The following KCNIP4 variants were observed in gnomAD, a reference collection of about 807,000 sequenced individuals.
The protein encoded by KCNIP4 is Kv channel-interacting protein 4.
In KCNIP4, 12 loss-of-function variants were observed where a neutral mutation model predicts 34.0. The observed-to-expected ratio is 0.35, with a 90% CI of 0.23 to 0.57. The LOEUF is 0.57. Ranked by LOEUF, KCNIP4 falls within the 20% of genes least tolerant of loss-of-function variation. KCNIP4 has a pLI of 0.83. For missense variants in KCNIP4, 238 were observed against 311.7 expected, an observed-to-expected ratio of 0.76 and a Z score of 1.78; for synonymous variants, 124 against 102.2, an observed-to-expected ratio of 1.21 and a Z score of -1.29.
At chr4:21,127,565 A>G (rs1048451969) in intron 1 of KCNIP4, among the ~76,000 whole-genome samples, 1 of 152,206 alleles carries the variant, frequency 6.6e-6, no homozygotes, top group Non-Finnish European at 1.5e-5. Context: ...CTAATAGAAT[A>G]CAAACACTGT....
chr4:20,883,042 G>T, intron 1 of KCNIP4, among the ~76,000 whole-genome samples: 1 of 141,980 alleles, frequency 7.0e-6, no homozygotes. Context: ...CTTAGATCAG[G>T]GATAAAACAA....
At chr4:21,221,863 GGA>G (rs1026319237) in intron 1 of KCNIP4, among the ~76,000 whole-genome samples, 1 of 152,190 alleles carries the variant, frequency 6.6e-6, no homozygotes, top group African/African-American at 2.4e-5. Context: ...TGAATAAAAT[GGA>G]GATGGCCACA....
At chr4:21,177,885 A>ATATATATGTAT (rs1560784838) in intron 1 of KCNIP4, among the ~76,000 whole-genome samples, 3 of 145,892 alleles carry the variant, frequency 2.1e-5, no homozygotes, top group African/African-American at 7.9e-5. Context: ...TATAAAATAT[A>ATATATATGTAT]ACATTTAAAA....
intron 1 of KCNIP4, among the ~76,000 whole-genome samples, chr4:20,889,091 A>G (rs1725630317): frequency 6.6e-6 from 1 of 152,118 alleles, no homozygotes; most frequent in Admixed American, 6.6e-5. Flanking sequence ...TCATGACTTG[A>G]AAGCAAGGAT....
intron 1 of KCNIP4, among the ~76,000 whole-genome samples, chr4:20,961,493 A>G (rs909901248): frequency 6.6e-6 from 1 of 152,194 alleles, no homozygotes; most frequent in African/African-American, 2.4e-5. Context: ...TCAAACTACC[A>G]CAGGAAATGA....
At chr4:21,694,278 G>A (rs895373582) in intron 1 of KCNIP4, among the ~76,000 whole-genome samples, 1 of 152,064 alleles carries the variant, frequency 6.6e-6, no homozygotes, top group Non-Finnish European at 1.5e-5. Context: ...TGGGTAGCAT[G>A]AGCCCCATCT....
At chr4:21,574,832 A>T (rs1254029031) in intron 1 of KCNIP4, among the ~76,000 whole-genome samples, 1 of 152,204 alleles carries the variant, frequency 6.6e-6, no homozygotes, top group Non-Finnish European at 1.5e-5. Context: ...CCTTATTTCA[A>T]CATTCCCAGT....
chr4:21,778,760 C>G (rs1190531568), intron 1 of KCNIP4, among the ~76,000 whole-genome samples: 1 of 152,046 alleles, frequency 6.6e-6, no homozygotes, highest in Non-Finnish European at 1.5e-5. Flanking sequence ...TACAAGTATA[C>G]TCCAGTGAAG....
intron 1 of KCNIP4, among the ~76,000 whole-genome samples, chr4:20,897,310 G>A (rs1726657954): frequency 6.6e-6 from 1 of 150,846 alleles, no homozygotes; most frequent in African/African-American, 2.4e-5. Context: ...GCTGGTCACT[G>A]TGCCTGAAAT....
rs1040002766 is a variant in KCNIP4 at position 21,636,222 on chromosome 4, TG to T, written c.61+312348del. ...AGTTAGTGGGTGCAGCGCACCAGCA[TG>T]GGCACATGTATACATATGTAACTAA... On this transcript the variant is annotated intron_variant, in intron 1 of 8. Transcript: ENST00000382152. Among the ~76,000 whole-genome samples the T allele has an allele frequency of 3.2e-3, 475 of 149,754 alleles. 3 individuals are homozygous for T. Among genetic ancestry groups the T allele is most frequent in the African/African-American group, 0.01 (406 of 40,498 alleles).
intron 1 of KCNIP4, among the ~76,000 whole-genome samples, chr4:21,511,794 G>A (rs948147568): frequency 6.6e-6 from 1 of 152,102 alleles, no homozygotes; most frequent in African/African-American, 2.4e-5. Context: ...TTGTGCATAA[G>A]TCTCTCAAGC....
chr4:21,178,182 G>A (rs1388645860), intron 1 of KCNIP4, among the ~76,000 whole-genome samples: 1 of 152,128 alleles, frequency 6.6e-6, no homozygotes, highest in Non-Finnish European at 1.5e-5. Context: ...TCCTCTTAAT[G>A]AAAGTGGTTA....
chr4:21,329,645 G>C (rs1715423708), intron 1 of KCNIP4, among the ~76,000 whole-genome samples: 1 of 152,174 alleles, frequency 6.6e-6, no homozygotes, highest in South Asian at 2.1e-4. Context: ...CAGTGGGTCT[G>C]AAGGTTTATC....
At chr4:20,907,191 G>A (rs1727857360) in intron 1 of KCNIP4, among the ~76,000 whole-genome samples, 1 of 152,174 alleles carries the variant, frequency 6.6e-6, no homozygotes, top group Non-Finnish European at 1.5e-5. Flanking sequence ...TGAGGTTTAT[G>A]ATAATGGAAA....
chr4:21,137,076 T>G (rs566149960), intron 1 of KCNIP4, among the ~76,000 whole-genome samples: 86 of 151,836 alleles, frequency 5.7e-4, no homozygotes, highest in African/African-American at 1.9e-3. Context: ...TATTTCCCTT[T>G]TCTGTCCTGT....
At chr4:21,476,493 G>A (rs1730989583) in intron 1 of KCNIP4, among the ~76,000 whole-genome samples, 1 of 152,146 alleles carries the variant, frequency 6.6e-6, no homozygotes, top group South Asian at 2.1e-4. Context: ...TGAGGATTTA[G>A]TGAAAAGGTG....
intron 1 of KCNIP4, among the ~76,000 whole-genome samples, chr4:21,368,396 A>G (rs892675625): frequency 1.4e-5 from 2 of 147,328 alleles, no homozygotes; most frequent in Non-Finnish European, 2.9e-5. Context: ...GTGCTTATGT[A>G]AGGGAGACAT....
At chr4:21,234,633 T>C (rs1759211558) in intron 1 of KCNIP4, among the ~76,000 whole-genome samples, 1 of 144,970 alleles carries the variant, frequency 6.9e-6, no homozygotes, top group Non-Finnish European at 1.5e-5. Flanking sequence ...ATATTACATA[T>C]AACATAAGAA....
chr4:21,144,481 A>G (rs1752207242), intron 1 of KCNIP4, among the ~76,000 whole-genome samples: 1 of 152,148 alleles, frequency 6.6e-6, no homozygotes, highest in African/African-American at 2.4e-5. Context: ...CTCATGCTAA[A>G]CCCCTGACCC....
Sources: allele counts gnomAD v4.1 joint callset (sites outside exome capture counted in the v4.1 genomes callset), GRCh38; gene constraint gnomAD v4.1.1; transcripts MANE v1.5; gene names NCBI Gene and HGNC (gene_info 2026-07-23, HGNC 2026-07-21).